The following LRRC3B variants were observed in gnomAD, a reference collection of about 807,000 sequenced individuals.
LRRC3B encodes leucine-rich repeat-containing protein 3B.
A neutral mutation model predicts 12.8 loss-of-function variants in LRRC3B; 2 were observed. That is an observed-to-expected ratio of 0.16 (90% CI 0.06 to 0.49). LRRC3B has a LOEUF of 0.49. Ranked by LOEUF, LRRC3B falls within the 20% of genes least tolerant of loss-of-function variation. LRRC3B has a pLI of 0.96. For synonymous variants in LRRC3B, 132 were observed against 122.0 expected (o/e 1.08, Z -0.54); for missense variants, 189 against 319.4 (o/e 0.59, Z 3.11).
chr3:26,633,846 C>CT (rs900387310), intron 1 of LRRC3B, among the ~76,000 whole-genome samples: 3 of 152,070 alleles, frequency 2.0e-5, no homozygotes, highest in Non-Finnish European at 2.9e-5. Context: ...CCTTTTAGTC[C>CT]TTTTTTTAAA....
intron 1 of LRRC3B, among the ~76,000 whole-genome samples, chr3:26,691,443 C>A (rs1012589382): frequency 5.3e-5 from 8 of 152,032 alleles, no homozygotes; most frequent in Non-Finnish European, 1.0e-4. Context: ...CTATTTCATG[C>A]TTCATGGGTG....
At chr3:26,634,530 A>G (rs1422899984) in intron 1 of LRRC3B, among the ~76,000 whole-genome samples, 5 of 152,162 alleles carry the variant, frequency 3.3e-5, no homozygotes, top group African/African-American at 9.7e-5. Flanking sequence ...TTATTTATTG[A>G]TTCTGCATGG....
At chr3:26,682,144 G>A (rs933342126) in intron 1 of LRRC3B, among the ~76,000 whole-genome samples, 1 of 152,110 alleles carries the variant, frequency 6.6e-6, no homozygotes, top group African/African-American at 2.4e-5. Context: ...TTGACCAGGG[G>A]TAACCGAAAC....
intron 1 of LRRC3B, among the ~76,000 whole-genome samples, chr3:26,693,044 G>A (rs992709968): frequency 7.2e-5 from 11 of 152,172 alleles, no homozygotes; most frequent in Non-Finnish European, 8.8e-5. Context: ...CTAAGATCAA[G>A]AGCAGGCCGG....
At chr3:26,707,407 C>G (rs1700625525) in intron 1 of LRRC3B, among the ~76,000 whole-genome samples, 1 of 151,944 alleles carries the variant, frequency 6.6e-6, no homozygotes, top group South Asian at 2.1e-4. Context: ...AGCTGATATA[C>G]AAACTCAGTG....
chr3:26,695,545 A>AC (rs61071436), intron 1 of LRRC3B, among the ~76,000 whole-genome samples: 15 of 152,096 alleles, frequency 9.9e-5, no homozygotes, highest in East Asian at 3.9e-4. Flanking sequence ...AAACAAACAA[A>AC]AAAACTTCTT....
intron 1 of LRRC3B, among the ~76,000 whole-genome samples, chr3:26,651,925 A>G (rs145890529): frequency 9.7e-4 from 148 of 152,326 alleles, no homozygotes; most frequent in South Asian, 1.7e-3. Context: ...AAGAATAGCC[A>G]CTTTACAGAG....
At chr3:26,702,983 T>C (rs1700495299) in intron 1 of LRRC3B, among the ~76,000 whole-genome samples, 1 of 152,024 alleles carries the variant, frequency 6.6e-6, no homozygotes, top group South Asian at 2.1e-4. Flanking sequence ...TAGTAGATGG[T>C]TGAGAATGGA....
chr3:26,650,741 T>A (rs183555368), intron 1 of LRRC3B, among the ~76,000 whole-genome samples: 1 of 152,308 alleles, frequency 6.6e-6, no homozygotes, highest in Admixed American at 6.5e-5. Context: ...TTATTATTAG[T>A]TAGTAAACAC....
intron 1 of LRRC3B, among the ~76,000 whole-genome samples, chr3:26,648,096 T>C (rs2125413058): frequency 6.6e-6 from 1 of 152,100 alleles, no homozygotes; most frequent in African/African-American, 2.4e-5. Context: ...TTTTTTTTTT[T>C]CATCTACTTA....
intron 1 of LRRC3B, among the ~76,000 whole-genome samples, chr3:26,708,413 G>A (rs961620210): frequency 6.6e-6 from 1 of 152,162 alleles, no homozygotes; most frequent in African/African-American, 2.4e-5. Context: ...CTGGAAGAGA[G>A]TGTGTGGATA....
intron 1 of LRRC3B, among the ~76,000 whole-genome samples, chr3:26,679,579 C>T (rs971838444): frequency 1.3e-5 from 2 of 152,222 alleles, no homozygotes; most frequent in African/African-American, 4.8e-5. Flanking sequence ...CCTGGGGAGG[C>T]TTCTACTAAC....
intron 1 of LRRC3B, among the ~76,000 whole-genome samples, chr3:26,709,055 A>G (rs1455187499): frequency 1.3e-5 from 2 of 152,220 alleles, no homozygotes; most frequent in East Asian, 3.9e-4. Context: ...GCATCCATTC[A>G]AAAGCCATGA....
At chr3:26,660,888 T>C (rs1180237779) in intron 1 of LRRC3B, among the ~76,000 whole-genome samples, 1 of 152,164 alleles carries the variant, frequency 6.6e-6, no homozygotes, top group Non-Finnish European at 1.5e-5. Flanking sequence ...ATACATACCA[T>C]GGGACTGTGG....
At chr3:26,641,171 G>A (rs546461417) in intron 1 of LRRC3B, among the ~76,000 whole-genome samples, 4 of 152,218 alleles carry the variant, frequency 2.6e-5, no homozygotes, top group East Asian at 1.9e-4. Flanking sequence ...AGAAGAAATC[G>A]GGACTGGTGT....
exon 2 of LRRC3B, chr3:26,710,561 A>C (rs1700727992): frequency 4.2e-6 from 5 of 1,181,160 alleles, no homozygotes; most frequent in Non-Finnish European, 5.8e-6. Flanking sequence ...TTTGTATTTC[A>C]GTTTCTTTTG....
At chr3:26,682,150 G>A (rs542691131) in intron 1 of LRRC3B, among the ~76,000 whole-genome samples, 5 of 152,130 alleles carry the variant, frequency 3.3e-5, no homozygotes, top group Non-Finnish European at 7.3e-5. Flanking sequence ...AGGGGTAACC[G>A]AAACCATGGA....
intron 1 of LRRC3B, among the ~76,000 whole-genome samples, chr3:26,630,588 T>C (rs1698735812): frequency 6.6e-6 from 1 of 152,212 alleles, no homozygotes; most frequent in South Asian, 2.1e-4. Flanking sequence ...TGTATTGTGA[T>C]ATGAAAATAT....
At chr3:26,669,445 G>T (rs946932556) in intron 1 of LRRC3B, among the ~76,000 whole-genome samples, 3 of 152,084 alleles carry the variant, frequency 2.0e-5, no homozygotes, top group East Asian at 1.9e-4. Context: ...GTAAATGAAA[G>T]ATTTAATTCT....
Sources: allele counts gnomAD v4.1 joint callset (sites outside exome capture counted in the v4.1 genomes callset), GRCh38; gene constraint gnomAD v4.1.1; transcripts MANE v1.5; gene names NCBI Gene and HGNC (gene_info 2026-07-23, HGNC 2026-07-21).